Variants in INSYN2B observed in about 807,000 individuals in gnomAD.
INSYN2B encodes protein INSYN2B.
In INSYN2B, 16 loss-of-function variants were observed where a neutral mutation model predicts 41.2. The observed-to-expected ratio is 0.39, with a 90% CI of 0.26 to 0.59. The LOEUF (loss-of-function observed/expected upper bound fraction) is 0.59. Among genes scored for constraint, INSYN2B ranks in the 20% least tolerant of loss-of-function variants. The pLI, the probability that INSYN2B is intolerant of heterozygous loss-of-function variation, is 0.57. For synonymous variants in INSYN2B, 245 were observed against 244.4 expected, an observed-to-expected ratio of 1.00 and a Z score of -0.02; for missense variants, 608 against 646.4, an observed-to-expected ratio of 0.94 and a Z score of 0.64.
intron 1 of INSYN2B, among the ~76,000 whole-genome samples, chr5:169,975,214 A>T (rs2161366): frequency 1.3e-5 from 2 of 151,998 alleles, no homozygotes; most frequent in Non-Finnish European, 2.9e-5. Flanking sequence ...TTTAAAACAT[A>T]ATTTGTGCTT....
intron 2 of INSYN2B, 56 bp from the exon 3 acceptor site, chr5:169,881,498 A>C (rs1772644185): frequency 7.2e-7 from 1 of 1,384,326 alleles, no homozygotes; most frequent in Non-Finnish European, 1.0e-6. Context: ...CGTGGGCCAC[A>C]AACATTCAAC....
At chr5:169,980,132 A>G (rs1777888538) in intron 1 of INSYN2B, 145 bp downstream of exon 1, 2 of 151,726 alleles carry the variant, frequency 1.3e-5, no homozygotes, top group South Asian at 4.1e-4. Flanking sequence ...TCCACTACAT[A>G]CCACCACACA....
chr5:169,914,585 G>T (rs946704861), intron 1 of INSYN2B, among the ~76,000 whole-genome samples: 1 of 152,334 alleles, frequency 6.6e-6, no homozygotes, highest in African/African-American at 2.4e-5. Context: ...GGCCTGCACA[G>T]TGTCTTAAAA....
At chr5:169,918,805 C>T (rs1775018998) in intron 1 of INSYN2B, among the ~76,000 whole-genome samples, 1 of 152,076 alleles carries the variant, frequency 6.6e-6, no homozygotes, top group Admixed American at 6.6e-5. Flanking sequence ...CCCAGCTACT[C>T]GGGAGGCTGA....
chr5:169,960,368 G>C (rs937298636), intron 1 of INSYN2B, among the ~76,000 whole-genome samples: 1 of 152,106 alleles, frequency 6.6e-6, no homozygotes, highest in Non-Finnish European at 1.5e-5. Flanking sequence ...TGCTATTTCT[G>C]GTTCTTGTAG....
At chr5:169,936,190 A>C (rs1278488224) in intron 1 of INSYN2B, among the ~76,000 whole-genome samples, 1 of 152,226 alleles carries the variant, frequency 6.6e-6, no homozygotes, top group Non-Finnish European at 1.5e-5. Context: ...TACACACAGA[A>C]TTAATCCATA....
chr5:169,909,076 A>AGCCAG (rs1774451751), intron 1 of INSYN2B, among the ~76,000 whole-genome samples: 1 of 152,206 alleles, frequency 6.6e-6, no homozygotes, highest in Non-Finnish European at 1.5e-5. Flanking sequence ...TGCTTTCAGT[A>AGCCAG]GCTGCTGCTG....
rs149407454 is a variant in INSYN2B, at chr5:169,966,600, A to T, written c.-919+13677T>A. Among the ~76,000 whole-genome samples the T allele has an allele frequency of 2.9e-3, 448 of 152,348 alleles. 2 individuals carry two copies. The highest frequency in any genetic ancestry group is 0.01 in the African/African-American group (422 of 41,578). On this transcript the variant is annotated intron_variant, in intron 1 of 3. Coordinates refer to ENST00000377365, the MANE Select transcript of INSYN2B (RefSeq NM_001129891.3). ...TGGGTGAATTCAAATCACCACACTC[A>T]GCATAGGACCTGGCTCCATACCCTT...
Position 169,927,724 on chromosome 5 carries a change from C to T in INSYN2B, c.-918-42908G>A, listed in dbSNP as rs1775537835. 2.0e-5 allele frequency among the ~76,000 whole-genome samples: 3 copies of T among 152,250 alleles called. 1 individual carries two copies. The South Asian group carries it at 6.2e-4, about 31-fold the overall frequency. Reference sequence around the variant, plus strand: ...CTCCGCTTCCCGAGTTCATGCCATTCTCCTGCCTCAGCCTCCCGAGTAGCT... The same window carrying T: ...CTCCGCTTCCCGAGTTCATGCCATTTTCCTGCCTCAGCCTCCCGAGTAGCT... On this transcript the variant is annotated intron_variant, in intron 1 of 3. Coordinates refer to ENST00000377365, the MANE Select transcript of INSYN2B (RefSeq NM_001129891.3).
At chr5:169,929,577 C>G (rs1208779525) in intron 1 of INSYN2B, among the ~76,000 whole-genome samples, 1 of 151,394 alleles carries the variant, frequency 6.6e-6, no homozygotes, top group Non-Finnish European at 1.5e-5. Flanking sequence ...TCTCTAACAA[C>G]AACAACAACA....
At chr5:169,968,705 G>A (rs1777389665) in intron 1 of INSYN2B, among the ~76,000 whole-genome samples, 1 of 152,178 alleles carries the variant, frequency 6.6e-6, no homozygotes, top group African/African-American at 2.4e-5. Flanking sequence ...ACTCCCGCTA[G>A]TTATTAGGAA....
chr5:169,955,647 A>G (rs370546855), intron 1 of INSYN2B, among the ~76,000 whole-genome samples: 34 of 152,306 alleles, frequency 2.2e-4, no homozygotes, highest in African/African-American at 7.7e-4. Flanking sequence ...GCAGGAGAAG[A>G]AGGCAGGCAA....
Position 169,918,934 on chromosome 5 carries a change from G to T in INSYN2B, c.-918-34118C>A, listed in dbSNP as rs138245312. ...CAAAAAAATACAAACTAATTTAAAAGATATTTTAGGGGCCAGATATATGAG... is the reference window on the plus strand; with the variant it reads ...CAAAAAAATACAAACTAATTTAAAATATATTTTAGGGGCCAGATATATGAG... On this transcript the variant is annotated intron_variant, in intron 1 of 3. Transcript: ENST00000377365. 3.2e-3 allele frequency among the ~76,000 whole-genome samples: 494 copies of T among 152,152 alleles called. 3 individuals carry two copies. Among genetic ancestry groups the T allele is most frequent in the African/African-American group, 0.011 (470 of 41,498 alleles).
At chr5:169,920,446 A>G (rs1022831579) in intron 1 of INSYN2B, among the ~76,000 whole-genome samples, 6 of 152,162 alleles carry the variant, frequency 3.9e-5, no homozygotes. Flanking sequence ...CAAAGTTTGT[A>G]AGGTGGTTTT....
chr5:169,945,351 G>A (rs1776403034), intron 1 of INSYN2B, among the ~76,000 whole-genome samples: 2 of 152,246 alleles, frequency 1.3e-5, no homozygotes, highest in Non-Finnish European at 2.9e-5. Context: ...ATTTTGGGCA[G>A]AGAGCTCAAG....
chr5:169,976,088 C>T (rs1453924326), intron 1 of INSYN2B, among the ~76,000 whole-genome samples: 2 of 152,180 alleles, frequency 1.3e-5, no homozygotes, highest in Non-Finnish European at 2.9e-5. Context: ...CTATAACATT[C>T]TTTTGGAGAT....
rs367948045 is a variant in INSYN2B, at chr5:169,899,397, C to T, written c.-918-14581G>A. Among the ~76,000 whole-genome samples the T allele has an allele frequency of 2.0e-5, 3 of 152,286 alleles. No individual in the cohort carries two copies. The East Asian group carries it at 5.8e-4, about 29-fold the overall frequency. The stretch of plus-strand genomic sequence containing the variant: ...GCCAAGAATCAGGTTCAATGAGACC[C>T]TGGAGGGAGAGCCTGCCTACCACCT... On this transcript the variant is annotated intron_variant, in intron 1 of 3. Coordinates refer to ENST00000377365, the MANE Select transcript of INSYN2B (RefSeq NM_001129891.3).
chr5:169,932,859 G>A (rs1366404654), intron 1 of INSYN2B, among the ~76,000 whole-genome samples: 5 of 149,724 alleles, frequency 3.3e-5, no homozygotes, highest in African/African-American at 1.2e-4. Context: ...ATTTCCCAGG[G>A]CCAAATAAAA....
chr5:169,866,408 C>A (rs986531065), intron 3 of INSYN2B, among the ~76,000 whole-genome samples: 1 of 152,230 alleles, frequency 6.6e-6, no homozygotes, highest in African/African-American at 2.4e-5. Context: ...GCTATGGTGT[C>A]CTCATCTGCA....
Sources: gnomAD v4.1 joint callset for allele counts (sites outside exome capture counted in the v4.1 genomes callset) on GRCh38, gnomAD v4.1.1 for gene constraint, MANE v1.5 for transcripts, NCBI Gene and HGNC (gene_info 2026-07-23, HGNC 2026-07-21) for gene names.